Variants in CDH19 observed in about 807,000 individuals in gnomAD.
CDH19 encodes cadherin-19.
A neutral mutation model predicts 64.2 loss-of-function variants in CDH19; 67 were observed. The observed-to-expected ratio is 1.04, with a 90% CI of 0.86 to 1.28. The LOEUF is 1.28. Among genes scored for constraint, CDH19 ranks in the 50% most tolerant of loss-of-function variants. The probability of loss-of-function intolerance (pLI) is 0.00; values close to 1 mark genes in which losing one functional copy is unlikely to be tolerated. For missense variants in CDH19, 1,030 were observed against 929.0 expected (o/e 1.11, Z -1.41); for synonymous variants, 346 against 319.3 (o/e 1.08, Z -0.89).
Position 66,529,867 on chromosome 18 carries a change from C to T in CDH19, c.1436G>A (p.Cys479Tyr). 1 of 1,592,886 alleles carries T rather than the reference C, an allele frequency of 6.3e-7. No homozygotes were observed. Among genetic ancestry groups the T allele is most frequent in the Non-Finnish European group, 8.6e-7 (1 of 1,168,094 alleles). Reference protein sequence around the residue: ...EFSQYYETYVCENAGSGQVIQ... With the variant: ...EFSQYYETYVYENAGSGQVIQ... ...TACCTGACCAGAGCCTGCATTTTCACAAACATAAGTCTCATAGTATTGAGA... is the reference window on the plus strand; with the variant it reads ...TACCTGACCAGAGCCTGCATTTTCATAAACATAAGTCTCATAGTATTGAGA... Residue 479 changes from cysteine (C) to tyrosine (Y), a missense_variant, in exon 9 of 12, where the codon TGT becomes TAT. Coordinates refer to ENST00000262150, the MANE Select transcript of CDH19 (RefSeq NM_021153.4).
intron 9 of CDH19, among the ~76,000 whole-genome samples, chr18:66,523,823 C>G (rs1986097981): frequency 6.8e-6 from 1 of 148,096 alleles, no homozygotes; most frequent in East Asian, 2.0e-4. Context: ...GAAGAGAAGT[C>G]TTCTCCTGCA....
At chr18:66,584,886 A>G (rs1988531249) in intron 1 of CDH19, among the ~76,000 whole-genome samples, 3 of 152,068 alleles carry the variant, frequency 2.0e-5, no homozygotes, top group Non-Finnish European at 4.4e-5. Context: ...TTTACTTCTA[A>G]TATCTAAACA....
intron 1 of CDH19, among the ~76,000 whole-genome samples, chr18:66,580,075 G>T (rs534102): frequency 6.6e-6 from 1 of 151,870 alleles, no homozygotes; most frequent in East Asian, 1.9e-4. Flanking sequence ...TAAAATATAC[G>T]TATTAAATCA....
intron 4 of CDH19, 111 bp downstream of exon 4, chr18:66,554,294 C>T: frequency 3.0e-6 from 3 of 1,009,322 alleles, no homozygotes; most frequent in East Asian, 5.0e-5. Flanking sequence ...AATCTTTTTG[C>T]TTATTGACAT....
chr18:66,604,053 C>T lies in CDH19; in HGVS notation c.-212G>A, dbSNP rs905613983. On this transcript the variant is annotated 5_prime_UTR_variant, in exon 1 of 12. The change abolishes the stop of an existing upstream ORF in the 5' untranslated region. Coordinates refer to ENST00000262150, the MANE Select transcript of CDH19 (RefSeq NM_021153.4). ...AGGAAAAACTTTCTTCTTTTTGCTTCACAGTCTTCTCAGCAAACTCTCGAT... is the reference window on the plus strand; with the variant it reads ...AGGAAAAACTTTCTTCTTTTTGCTTTACAGTCTTCTCAGCAAACTCTCGAT... 3 of 147,370 alleles carry T rather than the reference C, an allele frequency of 2.0e-5. No individual in the cohort carries two copies. The highest frequency in any genetic ancestry group is 8.1e-5 in the African/African-American group (3 of 36,936). The allele number at this position is 147,370 out of a possible 1,614,324, so 9.1% of individuals were successfully genotyped here.
At chr18:66,510,582 CAAA>C (rs1294598902) in intron 10 of CDH19, among the ~76,000 whole-genome samples, 12 of 91,804 alleles carry the variant, frequency 1.3e-4, no homozygotes, top group East Asian at 3.3e-4. Context: ...AAGTCTGCAA[CAAA>C]TAATAATAAT....
At chr18:66,589,681 G>T (rs929119862) in intron 1 of CDH19, among the ~76,000 whole-genome samples, 1 of 136,564 alleles carries the variant, frequency 7.3e-6, no homozygotes, top group African/African-American at 2.7e-5. Context: ...TTATGGAAAA[G>T]ATATAATATA....
At chr18:66,589,241 A>G (rs1465227317) in intron 1 of CDH19, among the ~76,000 whole-genome samples, 1 of 150,022 alleles carries the variant, frequency 6.7e-6, no homozygotes, top group Non-Finnish European at 1.5e-5. Flanking sequence ...TACATATTTG[A>G]ATATATATAC....
At position 66,529,859 on chromosome 18, in the gene CDH19, C is replaced by A. The variant is rs1044838610; in HGVS notation, c.1444G>T (p.Ala482Ser). 6.3e-7 allele frequency: 1 copy of A among 1,591,118 alleles called. No individual in the cohort carries two copies. Among genetic ancestry groups the A allele is most frequent in the Non-Finnish European group, 8.6e-7 (1 of 1,167,190 alleles). Reference sequence around the variant, plus strand: ...TGAGTCCTTACCTGACCAGAGCCTGCATTTTCACAAACATAAGTCTCATAG... The same window carrying A: ...TGAGTCCTTACCTGACCAGAGCCTGAATTTTCACAAACATAAGTCTCATAG... ...QYYETYVCEN[A>S]GSGQVIQTIS... is the part of the protein sequence containing the mutation. The change falls in exon 9 of 12, where the codon GCA (alanine) becomes TCA (serine). Residue 482 changes from alanine (A) to serine (S), a missense_variant. Ala to Ser is a moderately conservative substitution (Grantham distance 99). Transcript: ENST00000262150.
intron 1 of CDH19, among the ~76,000 whole-genome samples, chr18:66,584,060 C>A (rs537887232): frequency 6.8e-4 from 103 of 152,128 alleles, no homozygotes; most frequent in African/African-American, 2.2e-3. Context: ...ACAGACTAAA[C>A]AGGAAAACTA....
At chr18:66,528,792 A>G (rs1986322579) in intron 9 of CDH19, among the ~76,000 whole-genome samples, 1 of 152,076 alleles carries the variant, frequency 6.6e-6, no homozygotes, top group African/African-American at 2.4e-5. Context: ...ACATTTATTG[A>G]AAGAGAAATA....
At chr18:66,537,743 G>T (rs867686957) in intron 7 of CDH19, among the ~76,000 whole-genome samples, 2 of 152,010 alleles carry the variant, frequency 1.3e-5, no homozygotes, top group Non-Finnish European at 2.9e-5. Context: ...CAGCATCTTT[G>T]ATTGGAGAGT....
At chr18:66,594,472 T>C (rs1988827576) in intron 1 of CDH19, among the ~76,000 whole-genome samples, 2 of 152,252 alleles carry the variant, frequency 1.3e-5, no homozygotes, top group South Asian at 2.1e-4. Context: ...ATTCTTCTTA[T>C]GTACGTATGG....
intron 6 of CDH19, among the ~76,000 whole-genome samples, chr18:66,544,465 A>T (rs1987023819): frequency 6.6e-6 from 1 of 152,048 alleles, no homozygotes; most frequent in African/African-American, 2.4e-5. Flanking sequence ...CATCTAATGA[A>T]ACTGAGAATT....
rs574156931 is a variant in CDH19 at position 66,554,385 on chromosome 18, C to T, written c.610+20G>A. ...TTCTTTAGAATCATGTTAAACTTTG[C>T]TTGTTTCATTCACAAATACCTGTTG... On this transcript the variant is annotated intron_variant, in intron 4 of 11. Transcript: ENST00000262150. 2 of 1,608,448 alleles carry T rather than the reference C, an allele frequency of 1.2e-6. No homozygotes were observed. The highest frequency in any genetic ancestry group is 1.1e-5 in the South Asian group (1 of 90,532).
At chr18:66,577,852 G>C (rs916816209) in intron 1 of CDH19, among the ~76,000 whole-genome samples, 2 of 151,900 alleles carry the variant, frequency 1.3e-5, no homozygotes, top group African/African-American at 4.8e-5. Flanking sequence ...CTCTAGAGGA[G>C]AGTCTATTTC....
Position 66,504,630 on chromosome 18 carries a change from C to G in CDH19, c.*182G>C. On this transcript the variant is annotated 3_prime_UTR_variant, in exon 12 of 12. Coordinates refer to ENST00000262150, the MANE Select transcript of CDH19 (RefSeq NM_021153.4). ...TGATTGTTTACATTTCTCCCCACAT[C>G]TCTGTTCAATGACAGCATGTAGGTA... The G allele has an allele frequency of 1.9e-6, 1 of 524,986 alleles. No individual in the cohort carries two copies. The highest frequency in any genetic ancestry group is 3.3e-6 in the Non-Finnish European group (1 of 303,118). 32.5% of individuals were successfully genotyped at this position (524,986 alleles called of 1,614,324 possible).
At chr18:66,557,582 G>A (rs1213120596) in intron 3 of CDH19, among the ~76,000 whole-genome samples, 1 of 151,864 alleles carries the variant, frequency 6.6e-6, no homozygotes, top group Non-Finnish European at 1.5e-5. Flanking sequence ...GGAAATATTT[G>A]TTATTCTTTC....
At chr18:66,597,102 A>AAAG (rs1988916051) in intron 1 of CDH19, among the ~76,000 whole-genome samples, 1 of 142,252 alleles carries the variant, frequency 7.0e-6, no homozygotes, top group Non-Finnish European at 1.5e-5. Flanking sequence ...AAAAAAAAAA[A>AAAG]TCATACTAAT....
Sources: allele counts gnomAD v4.1 joint callset (sites outside exome capture counted in the v4.1 genomes callset), GRCh38; gene constraint gnomAD v4.1.1; transcripts MANE v1.5; gene names NCBI Gene and HGNC (gene_info 2026-07-23, HGNC 2026-07-21).